Variants in URB1 observed in about 807,000 individuals in gnomAD.
URB1 encodes the protein nucleolar pre-ribosomal-associated protein 1.
A neutral mutation model predicts 242.3 loss-of-function variants in URB1; 197 were observed. The ratio of observed to expected loss-of-function variants is 0.81; its 90% confidence interval spans 0.72 to 0.91. The LOEUF (loss-of-function observed/expected upper bound fraction) is 0.91, where lower values mean the gene tolerates loss of function less well. URB1 is among the 40% of genes least tolerant of loss of function. URB1 has a pLI of 0.00. For synonymous variants in URB1, 1,153 were observed against 1,201.8 expected (o/e 0.96, Z 0.84); for missense variants, 2,721 against 2,860.5 (o/e 0.95, Z 1.11).
intron 29 of URB1, 104 bp downstream of exon 29, chr21:32,334,058 CT>C: frequency 7.5e-7 from 1 of 1,334,458 alleles, no homozygotes; most frequent in South Asian, 1.5e-5. Flanking sequence ...AAGATTCTTA[CT>C]TAATAAAAAG....
chr21:32,378,864 G>C (rs1371357811), intron 4 of URB1, among the ~76,000 whole-genome samples: 7 of 152,096 alleles, frequency 4.6e-5, no homozygotes, highest in Non-Finnish European at 8.8e-5. Context: ...TGGCCACTTT[G>C]GTGTAGAGCA....
intron 30 of URB1, among the ~76,000 whole-genome samples, chr21:32,332,812 A>G (rs1403022902): frequency 6.6e-6 from 1 of 152,146 alleles, no homozygotes; most frequent in East Asian, 1.9e-4. Context: ...TGGGAAGATC[A>G]ATCTCAGTGT....
intron 20 of URB1, among the ~76,000 whole-genome samples, chr21:32,350,307 G>A (rs149066477): frequency 1.3e-5 from 2 of 152,298 alleles, no homozygotes; most frequent in East Asian, 1.9e-4. Context: ...GGTGGTGCAT[G>A]CCTGTAGTCC....
Position 32,363,235 on chromosome 21 carries a change from T to A in URB1, c.1430A>T (p.Glu477Val). ...GTACACGCCTGATTCCTGCCACACC[T>A]CTTTATTCAGGCAGTGGTCAACAGT... is the stretch of plus-strand genomic sequence containing the variant. ...LKTVDHCLNK[E>V]VWQESGVYTA... Residue 477 changes from glutamate to valine, a missense_variant, in exon 11 of 39, where the codon GAG becomes GTG. Coordinates refer to ENST00000382751, the MANE Select transcript of URB1 (RefSeq NM_014825.3). 1 of 1,552,126 alleles carries A rather than the reference T, an allele frequency of 6.4e-7. No homozygotes were observed. Among genetic ancestry groups the A allele is most frequent in the Non-Finnish European group, 8.7e-7 (1 of 1,147,098 alleles).
chr21:32,377,117 G>A, intron 5 of URB1: 1 of 501,406 alleles, frequency 2.0e-6, no homozygotes, highest in South Asian at 1.5e-5. Context: ...TTATTTCACT[G>A]GGATAAATGA....
At chr21:32,337,821 C>A (rs1282616338) in intron 26 of URB1, among the ~76,000 whole-genome samples, 1 of 151,928 alleles carries the variant, frequency 6.6e-6, no homozygotes, top group Non-Finnish European at 1.5e-5. Flanking sequence ...CCGCGCCCAG[C>A]CCCCCACGTG....
chr21:32,373,423 G>C (rs1033101884), intron 7 of URB1, among the ~76,000 whole-genome samples: 12 of 151,010 alleles, frequency 7.9e-5, no homozygotes, highest in African/African-American at 2.7e-4. Context: ...GGAAATCATA[G>C]TTTTCTAATT....
At chr21:32,351,161 T>C (rs1041101972) in intron 19 of URB1, among the ~76,000 whole-genome samples, 1 of 151,810 alleles carries the variant, frequency 6.6e-6, no homozygotes, top group Non-Finnish European at 1.5e-5. Flanking sequence ...AAATTCATGC[T>C]GCATCTACAC....
chr21:32,311,731 A>G lies in URB1; in HGVS notation c.*3187T>C. On this transcript the variant is annotated 3_prime_UTR_variant, in exon 39 of 39. Transcript: ENST00000382751. ...ACATGCCCCTGGAGTCACGGCCTCA[A>G]CCTCCACCTCTGCATCCAGAAGTGC... 1 of 1,613,942 alleles carries G rather than the reference A, an allele frequency of 6.2e-7. No individual in the cohort carries two copies. The highest frequency in any genetic ancestry group is 1.7e-4 in the Middle Eastern group (1 of 6,056).
chr21:32,354,186 G>C, intron 17 of URB1, 83 bp from the exon 18 acceptor site: 1 of 1,483,486 alleles, frequency 6.7e-7, no homozygotes, highest in Non-Finnish European at 9.0e-7. Flanking sequence ...GGCAGAAGCA[G>C]AATACGTGCA....
rs755734830 is a variant in URB1 at position 32,316,521 on chromosome 21, C to T, written c.6579G>A (p.Pro2193=). Reference sequence around the variant, plus strand: ...AAGACAGGGAGAGGGCTTCCATGGCCGGGTGGAAGGGGCTCCCTGCCCGGC... The same window carrying T: ...AAGACAGGGAGAGGGCTTCCATGGCTGGGTGGAAGGGGCTCCCTGCCCGGC... ...AQGRAGSPFH[P]AMEALSLSSL... is the part of the protein sequence containing the mutation. Residue 2193 remains proline, a synonymous_variant, in exon 38 of 39, where the codon CCG becomes CCA. Transcript: ENST00000382751. The T allele has an allele frequency of 3.6e-5, 55 of 1,548,682 alleles. No individual in the cohort carries two copies. In the East Asian group the frequency reaches 3.7e-4, roughly 10 times the overall value.
rs1055866236 is a variant in URB1, at chr21:32,392,922, C to A, written c.-12G>T. The A allele has an allele frequency of 1.0e-5, 15 of 1,500,934 alleles. No individual in the cohort carries two copies. The highest frequency in any genetic ancestry group is 1.1e-5 in the Non-Finnish European group (12 of 1,127,446). The allele number at this position is 1,500,934 out of a possible 1,614,324, so 93.0% of individuals were successfully genotyped here. A position where few individuals can be genotyped will look rare whatever the true frequency, so the allele number is the denominator to read the frequency against. ...TTGGGGACCCCCATGGCCGAGAGGG[C>A]GGAAGCGCGACGGAAACGACACACC... On this transcript the variant is annotated 5_prime_UTR_variant, in exon 1 of 39. Coordinates refer to ENST00000382751, the MANE Select transcript of URB1 (RefSeq NM_014825.3).
intron 28 of URB1, 118 bp downstream of exon 28, chr21:32,336,976 G>T: frequency 9.8e-7 from 1 of 1,016,074 alleles, no homozygotes; most frequent in Non-Finnish European, 1.5e-6. Context: ...AGTGCTGCCT[G>T]CCTCACTCTT....
intron 1 of URB1, among the ~76,000 whole-genome samples, chr21:32,391,797 G>T (rs2033641486): frequency 6.6e-6 from 1 of 151,274 alleles, no homozygotes; most frequent in Non-Finnish European, 1.5e-5. Flanking sequence ...AAGATTGCTT[G>T]AGACTGGGAG....
intron 4 of URB1, among the ~76,000 whole-genome samples, chr21:32,381,105 C>A (rs1163701898): frequency 1.3e-5 from 2 of 152,242 alleles, no homozygotes; most frequent in African/African-American, 4.8e-5. Context: ...CTGCCACTGT[C>A]GTGGCCCCCT....
At chr21:32,363,404 A>T in intron 10 of URB1, 75 bp from the exon 11 acceptor site, 2 of 1,485,836 alleles carry the variant, frequency 1.3e-6, no homozygotes, top group Non-Finnish European at 1.8e-6. Flanking sequence ...CTTGGCTGGC[A>T]TTTGCCCCTC....
chr21:32,342,108 T>C (rs953180326), intron 24 of URB1, among the ~76,000 whole-genome samples: 3 of 152,230 alleles, frequency 2.0e-5, no homozygotes, highest in East Asian at 1.9e-4. Context: ...ATCAGCATAA[T>C]TGTGTTTATC....
intron 25 of URB1, 87 bp from the exon 26 acceptor site, chr21:32,338,987 T>TGTTA: frequency 2.3e-6 from 3 of 1,291,084 alleles, no homozygotes; most frequent in Non-Finnish European, 3.1e-6. Context: ...TTTCTCAGTA[T>TGTTA]TTTATTTATT....
At chr21:32,360,072 G>A (rs567630945) in intron 13 of URB1, among the ~76,000 whole-genome samples, 164 bp from the exon 14 acceptor site, 7 of 152,102 alleles carry the variant, frequency 4.6e-5, no homozygotes, top group Non-Finnish European at 8.8e-5. Flanking sequence ...GGCACATCTC[G>A]CCTGATGTAC....
Sources: allele counts gnomAD v4.1 joint callset (sites outside exome capture counted in the v4.1 genomes callset), GRCh38; gene constraint gnomAD v4.1.1; transcripts MANE v1.5; gene names NCBI Gene and HGNC (gene_info 2026-07-23, HGNC 2026-07-21).